Variants in NARS2 observed in about 807,000 individuals in gnomAD.
NARS2 encodes asparaginyl-tRNA synthetase 2, mitochondrial.
NARS2 carries 60 observed loss-of-function variants against 62.9 expected under a neutral mutation model. The observed-to-expected ratio is 0.95, with a 90% CI of 0.77 to 1.18. The LOEUF (loss-of-function observed/expected upper bound fraction) is 1.18, where lower values mean the gene tolerates loss of function less well. Ranked by LOEUF, NARS2 falls within the 50% of genes most tolerant of loss-of-function variation. The pLI is 0.00. For missense variants in NARS2, 619 were observed against 576.4 expected (o/e 1.07, Z -0.76); for synonymous variants, 196 against 200.0 (o/e 0.98, Z 0.17).
intron 6 of NARS2, among the ~76,000 whole-genome samples, chr11:78,515,731 T>C (rs561587854): frequency 2.0e-4 from 31 of 152,088 alleles, no homozygotes; most frequent in African/African-American, 6.5e-4. Flanking sequence ...CTTGCTATTG[T>C]CCAGTCTAGT....
chr11:78,498,060 G>A, intron 6 of NARS2, among the ~76,000 whole-genome samples: 1 of 152,144 alleles, frequency 6.6e-6, no homozygotes, highest in South Asian at 2.1e-4. Flanking sequence ...CATCTGAGGA[G>A]ATGACATGTG....
chr11:78,519,081 A>C (rs759745661), intron 6 of NARS2, among the ~76,000 whole-genome samples: 3 of 152,206 alleles, frequency 2.0e-5, no homozygotes, highest in African/African-American at 7.2e-5. Context: ...TATCAAGGGA[A>C]TGAAGAATGA....
rs35180232 is a variant in NARS2 at position 78,544,795 on chromosome 11, CAAAAAAAAAAAA to C, written c.594+14732_594+14743del. Among the ~76,000 whole-genome samples the C allele has an allele frequency of 3.3e-4, 21 of 63,260 alleles. 1 individual carries two copies. In the South Asian group the frequency reaches 4.3e-3, roughly 13 times the overall value. 41.5% of individuals were successfully genotyped at this position (63,260 alleles called of 152,430 possible). A position where few individuals can be genotyped will look rare whatever the true frequency, so the allele number is the denominator to read the frequency against. On this transcript the variant is annotated intron_variant, in intron 5 of 13. Coordinates refer to ENST00000281038, the MANE Select transcript of NARS2 (RefSeq NM_024678.6). ...GGCGATAGAGCGAGACTCCGTCTCA[CAAAAAAAAAAAA>C]AAAAAAAAAAAGGATACAGAAAATT...
chr11:78,493,117 A>C lies in NARS2; in HGVS notation c.768T>G (p.Phe256Leu). Residue 256 changes from phenylalanine (F) to leucine (L), a missense_variant, in exon 7 of 14, where the codon TTT becomes TTG. Phe to Leu is a conservative substitution (Grantham distance 22). Transcript: ENST00000281038. The stretch of plus-strand genomic sequence containing the variant: ...AAGAAATCTCTGCTTCTATCATATA[A>C]AACTCTGCCAGGTGCCTCCGGCTCT... ...NSQSRRHLAEFYMIEAEISFV... is the reference protein window; with the variant it reads ...NSQSRRHLAELYMIEAEISFV... 6.2e-7 allele frequency: 1 copy of C among 1,614,038 alleles called. No individual in the cohort carries two copies. Among genetic ancestry groups the C allele is most frequent in the Non-Finnish European group, 8.5e-7 (1 of 1,179,936 alleles).
chr11:78,566,380 T>G (rs1856745172), intron 3 of NARS2, 108 bp from the exon 4 acceptor site: 4 of 834,674 alleles, frequency 4.8e-6, no homozygotes, highest in Non-Finnish European at 6.9e-6. Flanking sequence ...ACTAAGATCC[T>G]TTCCTTCTTT....
chr11:78,438,090 C>A (rs967139531), intron 13 of NARS2, among the ~76,000 whole-genome samples: 4 of 151,918 alleles, frequency 2.6e-5, no homozygotes, highest in African/African-American at 9.7e-5. Flanking sequence ...TAACTTGTAG[C>A]CACTTGGTTC....
At chr11:78,544,043 C>T (rs968317974) in intron 5 of NARS2, among the ~76,000 whole-genome samples, 11 of 65,882 alleles carry the variant, frequency 1.7e-4, no homozygotes, top group Admixed American at 9.4e-4. Context: ...AAAAAAAACT[C>T]TCTCTCACTC....
intron 6 of NARS2, among the ~76,000 whole-genome samples, chr11:78,508,944 G>A (rs1294624780): frequency 6.6e-6 from 1 of 151,844 alleles, no homozygotes; most frequent in Non-Finnish European, 1.5e-5. Flanking sequence ...ACGACATCCT[G>A]TTTCTATTAA....
At chr11:78,468,190 A>G (rs114819426) in intron 10 of NARS2, among the ~76,000 whole-genome samples, 1,623 of 151,576 alleles carry the variant, frequency 0.011, 34 homozygotes, top group African/African-American at 0.039. Context: ...TCTTAAATAT[A>G]AAGTTCTTTA....
At chr11:78,532,914 T>C (rs1229937277) in intron 5 of NARS2, among the ~76,000 whole-genome samples, 1 of 152,240 alleles carries the variant, frequency 6.6e-6, no homozygotes, top group Non-Finnish European at 1.5e-5. Context: ...TCTTTGCTTC[T>C]ACTTATATAA....
At chr11:78,457,382 G>A (rs1158830030) in intron 11 of NARS2, among the ~76,000 whole-genome samples, 1 of 151,964 alleles carries the variant, frequency 6.6e-6, no homozygotes, top group Non-Finnish European at 1.5e-5. Flanking sequence ...GAACTCTTGC[G>A]AACTTACAGC....
chr11:78,476,918 T>C (rs554561414), intron 9 of NARS2, among the ~76,000 whole-genome samples: 1 of 152,312 alleles, frequency 6.6e-6, no homozygotes, highest in East Asian at 1.9e-4. Flanking sequence ...TGAAATCAGA[T>C]GAACATGAGC....
chr11:78,557,836 CTT>C (rs71865624), intron 5 of NARS2, among the ~76,000 whole-genome samples: 6,176 of 147,758 alleles, frequency 0.042, 426 homozygotes, highest in African/African-American at 0.14. Context: ...ATATATCTCT[CTT>C]ATATTTTATA....
At chr11:78,465,301 C>T (rs575958085) in intron 11 of NARS2, among the ~76,000 whole-genome samples, 1 of 152,382 alleles carries the variant, frequency 6.6e-6, no homozygotes, top group African/African-American at 2.4e-5. Context: ...CACCACCCCA[C>T]AAGCTGAGGG....
intron 6 of NARS2, among the ~76,000 whole-genome samples, chr11:78,494,901 A>C (rs1267554577): frequency 2.0e-5 from 3 of 152,134 alleles, no homozygotes; most frequent in Non-Finnish European, 4.4e-5. Context: ...CTCAACCAAG[A>C]CAGATCCCAC....
chr11:78,500,095 G>A (rs1284937060), intron 6 of NARS2, among the ~76,000 whole-genome samples: 1 of 152,108 alleles, frequency 6.6e-6, no homozygotes, highest in Non-Finnish European at 1.5e-5. Flanking sequence ...CCTTTTCTCA[G>A]GCCTGATACT....
chr11:78,554,142 C>T (rs1190035695), intron 5 of NARS2, among the ~76,000 whole-genome samples: 1 of 152,086 alleles, frequency 6.6e-6, no homozygotes, highest in Non-Finnish European at 1.5e-5. Context: ...GGGAGTGGAG[C>T]CTTGTAGTAT....
At chr11:78,493,573 G>C (rs1039139550) in intron 6 of NARS2, among the ~76,000 whole-genome samples, 1 of 151,786 alleles carries the variant, frequency 6.6e-6, no homozygotes, top group Non-Finnish European at 1.5e-5. Context: ...CAGGAGGATC[G>C]TTTGAGTCCA....
At chr11:78,464,320 C>T (rs926118216) in intron 11 of NARS2, among the ~76,000 whole-genome samples, 114 of 152,044 alleles carry the variant, frequency 7.5e-4, no homozygotes, top group African/African-American at 2.7e-3. Flanking sequence ...TTGCAAAGAG[C>T]GAAAGAACAA....
Sources: gnomAD v4.1 joint callset for allele counts (sites outside exome capture counted in the v4.1 genomes callset) on GRCh38, gnomAD v4.1.1 for gene constraint, MANE v1.5 for transcripts, NCBI Gene and HGNC (gene_info 2026-07-23, HGNC 2026-07-21) for gene names.